PIK3C3: variants seen among roughly 807,000 people sequenced by gnomAD.
PIK3C3 encodes the protein phosphatidylinositol 3-kinase catalytic subunit type 3, also known as PI3-kinase type 3.
PIK3C3 carries 95 observed loss-of-function variants against 126.1 expected under a neutral mutation model. That is an observed-to-expected ratio of 0.75 (90% CI 0.64 to 0.89). The LOEUF is 0.89. Among genes scored for constraint, PIK3C3 ranks in the 40% least tolerant of loss-of-function variants. The pLI, the probability that PIK3C3 is intolerant of heterozygous loss-of-function variation, is 0.00. For synonymous variants in PIK3C3, 374 were observed against 360.0 expected, an observed-to-expected ratio of 1.04 and a Z score of -0.44; for missense variants, 829 against 1,063.2, an observed-to-expected ratio of 0.78 and a Z score of 3.06.
intron 22 of PIK3C3, among the ~76,000 whole-genome samples, chr18:42,063,314 A>G (rs1985399665): frequency 6.6e-6 from 1 of 152,180 alleles, no homozygotes; most frequent in Non-Finnish European, 1.5e-5. Context: ...TCAGTTCACC[A>G]CTGTCTGTCT....
chr18:42,062,836 T>C (rs1261811739), intron 22 of PIK3C3, among the ~76,000 whole-genome samples: 2 of 152,146 alleles, frequency 1.3e-5, no homozygotes, highest in Non-Finnish European at 2.9e-5. Flanking sequence ...TAGCCTCTCC[T>C]ATCTTGGTGA....
intron 2 of PIK3C3, among the ~76,000 whole-genome samples, chr18:41,961,920 T>A (rs1980108664): frequency 6.6e-6 from 1 of 152,216 alleles, no homozygotes; most frequent in Non-Finnish European, 1.5e-5. Flanking sequence ...ACTAATAGCT[T>A]AATGTTATCA....
intron 12 of PIK3C3, among the ~76,000 whole-genome samples, chr18:42,019,135 C>T (rs559057069): frequency 6.6e-6 from 1 of 152,158 alleles, no homozygotes; most frequent in South Asian, 2.1e-4. Context: ...GACAGGAATC[C>T]CTACCCCATA....
intron 4 of PIK3C3, among the ~76,000 whole-genome samples, chr18:41,985,474 T>A (rs972835794): frequency 6.6e-6 from 1 of 152,140 alleles, no homozygotes; most frequent in African/African-American, 2.4e-5. Context: ...AATGGTACCT[T>A]TAATTTTGCA....
intron 24 of PIK3C3, among the ~76,000 whole-genome samples, chr18:42,071,057 G>T (rs954907373): frequency 6.6e-6 from 1 of 152,138 alleles, no homozygotes; most frequent in Non-Finnish European, 1.5e-5. Flanking sequence ...CTTTAGCCTT[G>T]GTTGTTACAG....
chr18:41,962,635 A>C lies in PIK3C3; in HGVS notation c.401+3A>C. 1 of 1,609,790 alleles carries C rather than the reference A, an allele frequency of 6.2e-7. No individual in the cohort carries two copies. ...GTTTCGCTCTTTGGAAAATACGGGT[A>C]AGCATTCTGTTGGTCTCATCTGTAG... On this transcript the variant is annotated splice_donor_region_variant and intron_variant, in intron 3 of 24. Transcript: ENST00000262039.
chr18:42,079,485 CTA>C (rs1166402509), intron 24 of PIK3C3, among the ~76,000 whole-genome samples: 1 of 152,048 alleles, frequency 6.6e-6, no homozygotes, highest in East Asian at 1.9e-4. Context: ...AATTACCAAA[CTA>C]TGACACAGAG....
Position 41,978,357 on chromosome 18 carries a change from A to G in PIK3C3, c.531+7901A>G, listed in dbSNP as rs377105054. 6.3e-4 allele frequency among the ~76,000 whole-genome samples: 96 copies of G among 152,354 alleles called. No homozygotes were observed. The South Asian group carries it at 0.019, about 30-fold the overall frequency. Reference sequence around the variant, plus strand: ...TGTCACATTATACTTTGGGATTGCAATTATAATCAAGGAGTGCGATAATGG... The same window carrying G: ...TGTCACATTATACTTTGGGATTGCAGTTATAATCAAGGAGTGCGATAATGG... On this transcript the variant is annotated intron_variant, in intron 4 of 24. Coordinates refer to ENST00000262039, the MANE Select transcript of PIK3C3 (RefSeq NM_002647.4).
Position 41,957,560 on chromosome 18 carries a change from G to A in PIK3C3, c.69-10G>A. ...TCATGTCTGAAACATTGTTGGTCTT[G>A]TGCTTTCAGAGGAAGCTTGGAAGGG... On this transcript the variant is annotated splice_polypyrimidine_tract_variant and intron_variant, in intron 1 of 24. Transcript: ENST00000262039. 3 of 1,604,228 alleles carry A rather than the reference G, an allele frequency of 1.9e-6. No individual in the cohort carries two copies. The highest frequency in any genetic ancestry group is 2.5e-6 in the Non-Finnish European group (3 of 1,177,690).
At chr18:41,957,534 T>C in intron 1 of PIK3C3, 36 bp from the exon 2 acceptor site, 1 of 1,590,148 alleles carries the variant, frequency 6.3e-7, no homozygotes, top group East Asian at 2.2e-5. Flanking sequence ...GCTTAAAAAA[T>C]TCATGTCTGA....
chr18:41,965,115 G>T (rs8093616), intron 3 of PIK3C3, among the ~76,000 whole-genome samples: 6,809 of 152,222 alleles, frequency 0.045, 504 homozygotes, highest in African/African-American at 0.15. Flanking sequence ...CTAGGGAGGG[G>T]CTTGTTTGCA....
intron 8 of PIK3C3, 147 bp downstream of exon 8, chr18:41,996,141 C>T (rs11874830): frequency 0.012 from 8,057 of 645,958 alleles, 462 homozygotes; most frequent in African/African-American, 0.12. Flanking sequence ...TTTCACAGAT[C>T]AGCAGTTCTG....
intron 6 of PIK3C3, among the ~76,000 whole-genome samples, chr18:41,992,357 T>C (rs201462334): frequency 2.0e-5 from 3 of 152,196 alleles, no homozygotes; most frequent in Non-Finnish European, 2.9e-5. Flanking sequence ...ACAACGGCTG[T>C]GGGAATTTGT....
At chr18:42,016,286 C>T (rs374933723) in intron 12 of PIK3C3, among the ~76,000 whole-genome samples, 132 of 152,088 alleles carry the variant, frequency 8.7e-4, no homozygotes, top group African/African-American at 3.1e-3. Context: ...GCATATCTTT[C>T]GGTATAACAA....
intron 4 of PIK3C3, among the ~76,000 whole-genome samples, chr18:41,979,243 G>A (rs1362232620): frequency 1.3e-5 from 2 of 152,028 alleles, no homozygotes; most frequent in Admixed American, 1.3e-4. Flanking sequence ...GATTTATGAT[G>A]AGCACTTGCT....
intron 24 of PIK3C3, 127 bp from the exon 25 acceptor site, chr18:42,080,996 C>CA (rs1986227167): frequency 1.7e-6 from 1 of 590,274 alleles, no homozygotes; most frequent in Non-Finnish European, 3.0e-6. Context: ...CTCTTGGTAG[C>CA]ATTTAGCAAA....
intron 4 of PIK3C3, among the ~76,000 whole-genome samples, chr18:41,986,462 C>T (rs555668376): frequency 6.6e-6 from 1 of 152,022 alleles, no homozygotes; most frequent in Non-Finnish European, 1.5e-5. Flanking sequence ...TATTTTGCAT[C>T]TATTACTTTA....
At chr18:41,976,664 G>T (rs959958171) in intron 4 of PIK3C3, among the ~76,000 whole-genome samples, 2 of 152,138 alleles carry the variant, frequency 1.3e-5, no homozygotes, top group Non-Finnish European at 2.9e-5. Flanking sequence ...GGAGATTATT[G>T]TGAAGACTAA....
intron 20 of PIK3C3, chr18:42,049,306 T>C (rs1984690806): frequency 2.6e-6 from 1 of 379,742 alleles, no homozygotes; most frequent in African/African-American, 2.1e-5. Flanking sequence ...TTGATGCAAG[T>C]GACTTTTGTA....
Sources: allele counts gnomAD v4.1 joint callset (sites outside exome capture counted in the v4.1 genomes callset), GRCh38; gene constraint gnomAD v4.1.1; transcripts MANE v1.5; gene names NCBI Gene and HGNC (gene_info 2026-07-23, HGNC 2026-07-21).